Variants in CTIF observed in about 807,000 individuals in gnomAD.
CTIF encodes the protein cap binding complex dependent translation initiation factor, also known as CBP80/20-dependent translation initiation factor.
In CTIF, 21 loss-of-function variants were observed where a neutral mutation model predicts 66.0. The ratio of observed to expected loss-of-function variants is 0.32; its 90% CI spans 0.23 to 0.46. The LOEUF (loss-of-function observed/expected upper bound fraction) is 0.46. Among genes scored for constraint, CTIF ranks in the 20% least tolerant of loss-of-function variants. The pLI, the probability that CTIF is intolerant of heterozygous loss-of-function variation, is 1.00. For missense variants in CTIF, 739 were observed against 812.7 expected (o/e 0.91, Z 1.10); for synonymous variants, 345 against 326.4 (o/e 1.06, Z -0.62).
At chr18:48,642,078 C>T (rs1232598975) in intron 3 of CTIF, among the ~76,000 whole-genome samples, 1 of 152,322 alleles carries the variant, frequency 6.6e-6, no homozygotes, top group East Asian at 1.9e-4. Flanking sequence ...TTTAGCACTT[C>T]CTTGGATACG....
chr18:48,800,414 T>C (rs1239107625), intron 9 of CTIF, among the ~76,000 whole-genome samples: 1 of 152,136 alleles, frequency 6.6e-6, no homozygotes, highest in Non-Finnish European at 1.5e-5. Context: ...AGCCGGAACA[T>C]CTGCCCCCAT....
At chr18:48,833,550 A>T (rs1235575658) in intron 10 of CTIF, among the ~76,000 whole-genome samples, 1 of 151,734 alleles carries the variant, frequency 6.6e-6, no homozygotes, top group African/African-American at 2.4e-5. Context: ...CCATCAGATC[A>T]CCTCACCCCT....
chr18:48,692,021 C>T lies in CTIF; in HGVS notation c.508-19598C>T, dbSNP rs148512149. The stretch of plus-strand genomic sequence containing the variant: ...TTCAGCCTCCCGAGTAGCTGGATTA[C>T]AGGCGTGTGCCACCATGCCCAGCTA... On this transcript the variant is annotated intron_variant, in intron 6 of 11. Transcript: ENST00000256413. 1.2e-4 allele frequency among the ~76,000 whole-genome samples: 18 copies of T among 152,306 alleles called. No individual in the cohort carries two copies. In the South Asian group the frequency reaches 1.7e-3, roughly 14 times the overall value.
intron 1 of CTIF, among the ~76,000 whole-genome samples, chr18:48,617,755 C>T (rs1387442711): frequency 2.0e-5 from 3 of 152,260 alleles, no homozygotes; most frequent in African/African-American, 7.2e-5. Flanking sequence ...CTTGCCTCCA[C>T]ATCTGGTTCC....
At chr18:48,752,654 CAGAG>C (rs1244960247) in intron 7 of CTIF, among the ~76,000 whole-genome samples, 2 of 152,170 alleles carry the variant, frequency 1.3e-5, no homozygotes, top group Non-Finnish European at 1.5e-5. Context: ...AACAGAGACA[CAGAG>C]AGGTGAGATC....
chr18:48,761,514 A>T lies in CTIF; in HGVS notation c.1196A>T (p.Glu399Val), dbSNP rs1256907714. The change falls in exon 9 of 12, where the codon GAG (glutamate) becomes GTG (valine). Residue 399 changes from glutamate to valine, a missense_variant. By Grantham distance (121) the Glu-to-Val change is moderately radical. Transcript: ENST00000256413. This position sits in a 1 kb window ranked among gnomAD's most constrained non-coding sequence, Gnocchi z 4.2. Reference protein sequence around the residue: ...VDTKLTTFMEEAQNSTNSEEM... With the variant: ...VDTKLTTFMEVAQNSTNSEEM... ...ACCAAGCTCACCACCTTCATGGAGG[A>T]GGCCCAGAACTCCACCAACTCCGAG... The T allele has an allele frequency of 6.2e-7, 1 of 1,614,182 alleles. No homozygotes were observed. Among genetic ancestry groups the T allele is most frequent in the South Asian group, 1.1e-5 (1 of 91,084 alleles).
chr18:48,720,708 T>C (rs1445487377), intron 7 of CTIF, among the ~76,000 whole-genome samples: 1 of 152,184 alleles, frequency 6.6e-6, no homozygotes, highest in African/African-American at 2.4e-5. Context: ...TCCAGGTCCA[T>C]GCTTGATTGA....
rs375313073 is a variant in CTIF, at chr18:48,840,058, G to A, written c.1528-17530G>A. On this transcript the variant is annotated intron_variant, in intron 10 of 11. Coordinates refer to ENST00000256413, the MANE Select transcript of CTIF (RefSeq NM_014772.3). ...AACAGTTGCTCCCAGGCTGGGAGTGGTGAGTCTTCTGGCTACGGAGGTCAG... is the reference window on the plus strand; with the variant it reads ...AACAGTTGCTCCCAGGCTGGGAGTGATGAGTCTTCTGGCTACGGAGGTCAG... 5.9e-5 allele frequency among the ~76,000 whole-genome samples: 9 copies of A among 152,296 alleles called. No individual in the cohort carries two copies. In the East Asian group the frequency reaches 1.5e-3, roughly 26 times the overall value.
In CTIF at chr18:48,860,195, G is replaced by C. The variant is rs192010838; in HGVS notation, c.*636G>C. 52 of 345,364 alleles carry C rather than the reference G, an allele frequency of 1.5e-4. No individual in the cohort carries two copies. The East Asian group carries it at 3.3e-3, about 22-fold the overall frequency. 21.4% of individuals were successfully genotyped at this position (345,364 alleles called of 1,614,324 possible). The stretch of plus-strand genomic sequence containing the variant: ...GCAGCCCCCACAGCCTCAGGCCTAG[G>C]GGGTCAGGCGCAGCGGGGGAGATGG... On this transcript the variant is annotated 3_prime_UTR_variant, in exon 12 of 12. Transcript: ENST00000256413.
chr18:48,767,455 T>G (rs1909679850), intron 9 of CTIF, among the ~76,000 whole-genome samples: 1 of 152,078 alleles, frequency 6.6e-6, no homozygotes, highest in South Asian at 2.1e-4. Flanking sequence ...CCTCCTCTGT[T>G]GAAATGTGTG....
chr18:48,612,371 A>G (rs2090322967), intron 1 of CTIF, among the ~76,000 whole-genome samples: 1 of 152,124 alleles, frequency 6.6e-6, no homozygotes, highest in Admixed American at 6.5e-5. Context: ...CCTGGGGGCC[A>G]CCTGACAGCC....
At chr18:48,854,774 T>A (rs1166101463) in intron 10 of CTIF, among the ~76,000 whole-genome samples, 1 of 151,956 alleles carries the variant, frequency 6.6e-6, no homozygotes, top group Non-Finnish European at 1.5e-5. Context: ...TAAAAAAAAA[T>A]TAGCAGGGCA....
intron 8 of CTIF, chr18:48,760,371 A>C (rs918615751): frequency 6.6e-6 from 1 of 152,062 alleles, no homozygotes; most frequent in Non-Finnish European, 1.5e-5. Context: ...CCACCATGGA[A>C]GGGCTCAAGG....
At chr18:48,689,386 G>T (rs1166547550) in intron 6 of CTIF, among the ~76,000 whole-genome samples, 1 of 152,214 alleles carries the variant, frequency 6.6e-6, no homozygotes, top group Non-Finnish European at 1.5e-5. Flanking sequence ...TGCAGAAGCA[G>T]CAGCCCGCTC....
rs1368885479 is a variant in CTIF, at chr18:48,758,033, C to A, written c.699C>A (p.Pro233=). 6.2e-7 allele frequency: 1 copy of A among 1,613,924 alleles called. No homozygotes were observed. The highest frequency in any genetic ancestry group is 8.5e-7 in the Non-Finnish European group (1 of 1,179,992). Residue 233 remains proline (P), a synonymous_variant, in exon 8 of 12, where the codon CCC becomes CCA. Coordinates refer to ENST00000256413, the MANE Select transcript of CTIF (RefSeq NM_014772.3). ...AATCCTACCAGGGGGGCTCAGCACC[C>A]CACCCCTCAGGGAGGCCCACTCACC... ...HQKSYQGGSA[P]HPSGRPTHHG...
intron 9 of CTIF, among the ~76,000 whole-genome samples, chr18:48,797,967 G>C (rs1016178156): frequency 6.6e-5 from 10 of 152,150 alleles, no homozygotes; most frequent in African/African-American, 2.4e-4. Context: ...ACCCTGCCAG[G>C]CCTCTCTGCT....
At chr18:48,730,862 G>A in intron 7 of CTIF, among the ~76,000 whole-genome samples, 1 of 151,070 alleles carries the variant, frequency 6.6e-6, no homozygotes, top group South Asian at 2.1e-4. Flanking sequence ...AGCATGAGGG[G>A]CCTCCCGCAG....
chr18:48,593,744 G>GT (rs1475993789), intron 1 of CTIF, among the ~76,000 whole-genome samples: 18 of 130,098 alleles, frequency 1.4e-4, no homozygotes, highest in African/African-American at 9.2e-5. Context: ...GAGGTTTTTT[G>GT]TTTGTTTTTT....
Position 48,658,228 on chromosome 18 carries a change from G to GTGTGTATATGCCTGTGTGCATGGTGTGTA in CTIF, c.253-5522_253-5494dup, listed in dbSNP as rs1180768881. On this transcript the variant is annotated intron_variant, in intron 3 of 11. Transcript: ENST00000256413. ...TGTATGTGGGTGTGGATATGTGTGT[G>GTGTGTATATGCCTGTGTGCATGGTGTGTA]TGTGTATATGCCTGTGTGCATGGTG... is the stretch of plus-strand genomic sequence containing the variant. Among the ~76,000 whole-genome samples the GTGTGTATATGCCTGTGTGCATGGTGTGTA allele has an allele frequency of 1.1e-4, 16 of 152,026 alleles. 1 individual carries two copies. The highest frequency in any genetic ancestry group is 6.8e-3 in the Middle Eastern group (2 of 294).
Sources: gnomAD v4.1 joint callset for allele counts (sites outside exome capture counted in the v4.1 genomes callset) on GRCh38, gnomAD v4.1.1 for gene constraint, Gnocchi (gnomAD v3.1) non-coding constraint, MANE v1.5 for transcripts, NCBI Gene and HGNC (gene_info 2026-07-23, HGNC 2026-07-21) for gene names.